The following GRM8 variants were observed in gnomAD, a reference collection of about 807,000 sequenced individuals.
GRM8 encodes the protein metabotropic glutamate receptor 8.
Under a neutral mutation model 87.2 loss-of-function variants are expected in GRM8, and 47 were observed. The ratio of observed to expected loss-of-function variants is 0.54; its 90% CI spans 0.43 to 0.69. The LOEUF (loss-of-function observed/expected upper bound fraction) is 0.69. GRM8 is among the 30% of genes least tolerant of loss of function. The pLI, the probability that GRM8 is intolerant of heterozygous loss-of-function variation, is 0.00. For missense variants in GRM8, 1,019 were observed against 1,139.2 expected (o/e 0.89, Z 1.52); for synonymous variants, 396 against 404.5 (o/e 0.98, Z 0.25).
At chr7:127,225,545 G>A (rs1045215930) in intron 2 of GRM8, among the ~76,000 whole-genome samples, 1 of 151,904 alleles carries the variant, frequency 6.6e-6, no homozygotes, top group East Asian at 1.9e-4. Context: ...GCTAGGTCAG[G>A]GGGAAGAAAG....
At chr7:127,071,794 T>A (rs1455537566) in intron 3 of GRM8, among the ~76,000 whole-genome samples, 1 of 152,194 alleles carries the variant, frequency 6.6e-6, no homozygotes, top group African/African-American at 2.4e-5. Flanking sequence ...ATACATATTT[T>A]TTTTTGCCAG....
At chr7:126,816,852 A>G (rs1793834027) in intron 6 of GRM8, among the ~76,000 whole-genome samples, 1 of 151,924 alleles carries the variant, frequency 6.6e-6, no homozygotes, top group African/African-American at 2.4e-5. Context: ...CAGTTGCACA[A>G]ATTATCAACT....
At chr7:126,730,687 T>G (rs1168440486) in intron 7 of GRM8, among the ~76,000 whole-genome samples, 1 of 151,996 alleles carries the variant, frequency 6.6e-6, no homozygotes, top group East Asian at 1.9e-4. Flanking sequence ...AAAGATATAG[T>G]GCGATAAACA....
intron 7 of GRM8, among the ~76,000 whole-genome samples, chr7:126,657,016 C>T (rs1377062839): frequency 1.3e-5 from 2 of 152,184 alleles, no homozygotes; most frequent in East Asian, 1.9e-4. Context: ...AATGTTCGTA[C>T]AGCAATTTAT....
intron 3 of GRM8, among the ~76,000 whole-genome samples, chr7:127,073,284 T>G (rs1821909534): frequency 6.6e-6 from 1 of 152,116 alleles, no homozygotes; most frequent in Admixed American, 6.5e-5. Context: ...TCTGAACCCA[T>G]GAACAGAAGA....
chr7:126,671,926 G>T (rs756543148), intron 7 of GRM8, among the ~76,000 whole-genome samples: 2 of 151,984 alleles, frequency 1.3e-5, no homozygotes, highest in Admixed American at 1.3e-4. Context: ...GAGTCCATGC[G>T]ACCCCCGCTG....
chr7:127,251,888 G>GCC (rs1798897183), intron 1 of GRM8, among the ~76,000 whole-genome samples: 1 of 152,164 alleles, frequency 6.6e-6, no homozygotes, highest in Non-Finnish European at 1.5e-5. Flanking sequence ...AGAGGGGCAC[G>GCC]GAAATCCCAA....
rs150688948 is a variant in GRM8, at chr7:126,641,543, G to A, written c.1358-32045C>T. On this transcript the variant is annotated intron_variant, in intron 7 of 10. Coordinates refer to ENST00000339582, the MANE Select transcript of GRM8 (RefSeq NM_000845.3). ...AAGATCATTTCTGCTGAGCACATGA[G>A]AAAGCTTCTTTGAGAAACTATTCAC... Among the ~76,000 whole-genome samples, 283 of 152,300 alleles carry A rather than the reference G, an allele frequency of 1.9e-3. 2 individuals are homozygous for A. The highest frequency in any genetic ancestry group is 6.8e-3 in the Middle Eastern group (2 of 294).
At chr7:127,001,395 G>A (rs577554829) in intron 3 of GRM8, among the ~76,000 whole-genome samples, 2 of 151,650 alleles carry the variant, frequency 1.3e-5, no homozygotes, top group South Asian at 4.1e-4. Context: ...ACATACATGT[G>A]TCCAGAACTT....
At chr7:127,169,989 C>G (rs1459983238) in intron 2 of GRM8, among the ~76,000 whole-genome samples, 1 of 152,176 alleles carries the variant, frequency 6.6e-6, no homozygotes, top group Non-Finnish European at 1.5e-5. Flanking sequence ...TGCCTGCTAA[C>G]ACAATATCCA....
intron 8 of GRM8, among the ~76,000 whole-genome samples, chr7:126,580,102 A>T (rs1795472357): frequency 6.6e-6 from 1 of 152,194 alleles, no homozygotes; most frequent in South Asian, 2.1e-4. Context: ...GCCAAAGAGC[A>T]CTGTTAAATG....
intron 3 of GRM8, among the ~76,000 whole-genome samples, chr7:126,952,940 AAGATTT>A (rs1210479370): frequency 6.6e-6 from 1 of 152,044 alleles, no homozygotes; most frequent in African/African-American, 2.4e-5. Context: ...GAATTTGAAT[AAGATTT>A]TTGTTTAATT....
At chr7:126,923,196 G>A (rs143913232) in intron 3 of GRM8, among the ~76,000 whole-genome samples, 1 of 152,194 alleles carries the variant, frequency 6.6e-6, no homozygotes, top group East Asian at 1.9e-4. Context: ...TTGCTTATTT[G>A]TTTGTTTGTT....
At chr7:126,470,902 A>G (rs1444813126) in intron 9 of GRM8, among the ~76,000 whole-genome samples, 2 of 152,110 alleles carry the variant, frequency 1.3e-5, no homozygotes, top group Admixed American at 6.5e-5. Flanking sequence ...GTGAGATGGT[A>G]TCTCATTGTG....
chr7:126,716,275 G>A (rs1811730149), intron 7 of GRM8, among the ~76,000 whole-genome samples: 1 of 149,180 alleles, frequency 6.7e-6, no homozygotes, highest in South Asian at 2.1e-4. Context: ...CTGAATTGTA[G>A]TCTAATTGGC....
intron 3 of GRM8, among the ~76,000 whole-genome samples, chr7:127,051,700 T>C (rs1819487490): frequency 8.1e-6 from 1 of 123,732 alleles, no homozygotes; most frequent in African/African-American, 3.2e-5. Flanking sequence ...TGGAGTTCCA[T>C]GTATCAACAC....
chr7:126,745,002 A>C (rs1022038239), intron 7 of GRM8, among the ~76,000 whole-genome samples: 2 of 151,858 alleles, frequency 1.3e-5, no homozygotes, highest in Non-Finnish European at 2.9e-5. Flanking sequence ...TTATTATTTT[A>C]AAATGAATCA....
chr7:126,457,640 T>C (rs1407924162), intron 9 of GRM8, among the ~76,000 whole-genome samples: 1 of 151,374 alleles, frequency 6.6e-6, no homozygotes, highest in African/African-American at 2.4e-5. Context: ...TTAGCAAATA[T>C]TTTGAACTGA....
chr7:127,179,904 A>G (rs1794336857), intron 2 of GRM8, among the ~76,000 whole-genome samples: 1 of 152,084 alleles, frequency 6.6e-6, no homozygotes, highest in African/African-American at 2.4e-5. Flanking sequence ...AGATTGAAAG[A>G]GCACAAACTG....
Sources: gnomAD v4.1 joint callset for allele counts (sites outside exome capture counted in the v4.1 genomes callset) on GRCh38, gnomAD v4.1.1 for gene constraint, MANE v1.5 for transcripts, NCBI Gene and HGNC (gene_info 2026-07-23, HGNC 2026-07-21) for gene names.